The following LINGO2 variants were observed in gnomAD, a reference collection of about 807,000 sequenced individuals.
LINGO2 encodes the protein leucine-rich repeat and immunoglobulin-like domain-containing nogo receptor-interacting protein 2.
LINGO2 carries 14 observed loss-of-function variants against 30.6 expected under a neutral mutation model. The ratio of observed to expected loss-of-function variants is 0.46; its 90% confidence interval spans 0.30 to 0.72. The LOEUF is 0.72. Ranked by LOEUF, LINGO2 falls within the 30% of genes least tolerant of loss-of-function variation. LINGO2 has a pLI of 0.07. For missense variants in LINGO2, 729 were observed against 751.7 expected (o/e 0.97, Z 0.35); for synonymous variants, 317 against 288.5 (o/e 1.10, Z -1.00).
At chr9:29,186,647 C>A in the LINGO2 span, among the ~76,000 whole-genome samples, 1 of 152,002 alleles carries the variant, frequency 6.6e-6, no homozygotes. Context: ...GTATGGTTGA[C>A]GCTTCATTTC....
chr9:29,071,155 TA>T, the LINGO2 span, among the ~76,000 whole-genome samples: 44 of 6,276 alleles, frequency 7.0e-3, no homozygotes, highest in African/African-American at 0.026. Flanking sequence ...CACAGAGAAT[TA>T]TTGTATTGTA....
the LINGO2 span, among the ~76,000 whole-genome samples, chr9:28,802,712 T>C: frequency 6.6e-6 from 1 of 151,948 alleles, no homozygotes; most frequent in Non-Finnish European, 1.5e-5. Flanking sequence ...TAAGTACAGA[T>C]TTTAAAGTCC....
At chr9:28,008,515 G>C (rs140198866) in intron 5 of LINGO2, among the ~76,000 whole-genome samples, 1 of 151,442 alleles carries the variant, frequency 6.6e-6, no homozygotes, top group African/African-American at 2.4e-5. Flanking sequence ...AGATTGTAAA[G>C]GAAGAATTAA....
At chr9:28,588,657 G>C (rs1189757836) in intron 1 of LINGO2, among the ~76,000 whole-genome samples, 2 of 151,768 alleles carry the variant, frequency 1.3e-5, no homozygotes, top group East Asian at 1.9e-4. Context: ...AATTGAACCA[G>C]AATCCAAGAT....
intron 2 of LINGO2, among the ~76,000 whole-genome samples, chr9:28,465,869 T>TA (rs1825280291): frequency 6.6e-6 from 1 of 152,050 alleles, no homozygotes; most frequent in African/African-American, 2.4e-5. Context: ...GTACTCAACA[T>TA]CGCTGATCAT....
chr9:28,612,585 A>T (rs1825967232), intron 1 of LINGO2, among the ~76,000 whole-genome samples: 1 of 151,878 alleles, frequency 6.6e-6, no homozygotes, highest in African/African-American at 2.4e-5. Context: ...GGGCTTGTAG[A>T]CCCTTTGTTT....
At chr9:28,945,777 C>T in the LINGO2 span, among the ~76,000 whole-genome samples, 1 of 152,110 alleles carries the variant, frequency 6.6e-6, no homozygotes, top group African/African-American at 2.4e-5. Context: ...TGTTAAAAAG[C>T]CTCATGATAA....
intron 4 of LINGO2, among the ~76,000 whole-genome samples, chr9:28,067,501 T>TG (rs1392906273): frequency 6.6e-6 from 1 of 152,168 alleles, no homozygotes; most frequent in Non-Finnish European, 1.5e-5. Flanking sequence ...TAGTTGAACA[T>TG]GTGTTGAGAA....
the LINGO2 span, among the ~76,000 whole-genome samples, chr9:29,072,752 C>G: frequency 3.4e-4 from 51 of 151,588 alleles, no homozygotes; most frequent in African/African-American, 1.2e-3. Context: ...TCTTCTCTGT[C>G]TCCTCTTCTC....
chr9:29,200,059 A>C, the LINGO2 span, among the ~76,000 whole-genome samples: 1 of 152,112 alleles, frequency 6.6e-6, no homozygotes, highest in Non-Finnish European at 1.5e-5. Context: ...ATAAAAAGCT[A>C]TTACAGAAAT....
chr9:28,419,815 G>A (rs915877894), intron 2 of LINGO2, among the ~76,000 whole-genome samples: 15 of 151,508 alleles, frequency 9.9e-5, no homozygotes, highest in Admixed American at 2.0e-4. Context: ...TAATTTTATC[G>A]GTAAATATAA....
intron 1 of LINGO2, among the ~76,000 whole-genome samples, chr9:28,639,625 A>G (rs1015561078): frequency 6.6e-6 from 1 of 152,016 alleles, no homozygotes; most frequent in Non-Finnish European, 1.5e-5. Flanking sequence ...CTGTTTTATC[A>G]GAGACTAGGA....
chr9:28,543,974 G>T (rs1028091297), intron 1 of LINGO2, among the ~76,000 whole-genome samples: 2 of 152,022 alleles, frequency 1.3e-5, no homozygotes, highest in Non-Finnish European at 2.9e-5. Context: ...GAAGGCCGAG[G>T]CAAGCGGATC....
intron 2 of LINGO2, among the ~76,000 whole-genome samples, chr9:28,382,594 A>C (rs576087343): frequency 2.2e-4 from 33 of 152,260 alleles, no homozygotes; most frequent in Non-Finnish European, 3.7e-4. Flanking sequence ...ATTCACATGC[A>C]GTCTGCAGCT....
intron 4 of LINGO2, among the ~76,000 whole-genome samples, chr9:28,246,034 G>A (rs1821985711): frequency 6.6e-6 from 1 of 152,136 alleles, no homozygotes; most frequent in Non-Finnish European, 1.5e-5. Flanking sequence ...CATGCTACCT[G>A]ACTTCAAACT....
At chr9:28,650,792 C>T (rs1828061653) in intron 1 of LINGO2, among the ~76,000 whole-genome samples, 1 of 152,186 alleles carries the variant, frequency 6.6e-6, no homozygotes, top group African/African-American at 2.4e-5. Context: ...CCATAGTGAT[C>T]ACTGTCACTG....
At chr9:28,105,719 ACTCT>A (rs369866533) in intron 4 of LINGO2, among the ~76,000 whole-genome samples, 12 of 147,790 alleles carry the variant, frequency 8.1e-5, no homozygotes, top group African/African-American at 2.2e-4. Flanking sequence ...AACCTGTCTC[ACTCT>A]CTCTCTCTCT....
At chr9:28,632,398 C>T (rs982347479) in intron 1 of LINGO2, among the ~76,000 whole-genome samples, 1 of 151,674 alleles carries the variant, frequency 6.6e-6, no homozygotes, top group Non-Finnish European at 1.5e-5. Context: ...TATACCTACC[C>T]AGTCTCACAC....
At chr9:28,567,271 A>T (rs1216466783) in intron 1 of LINGO2, among the ~76,000 whole-genome samples, 1 of 152,108 alleles carries the variant, frequency 6.6e-6, no homozygotes, top group Non-Finnish European at 1.5e-5. Context: ...CTACCATTTG[A>T]CCCAGCAATA....
Sources: allele counts gnomAD v4.1 joint callset (sites outside exome capture counted in the v4.1 genomes callset), GRCh38; gene constraint gnomAD v4.1.1; transcripts MANE v1.5; gene names NCBI Gene and HGNC (gene_info 2026-07-23, HGNC 2026-07-21).